Variants in MME observed in about 807,000 individuals in gnomAD.
MME encodes membrane metalloendopeptidase, also known as neprilysin.
MME carries 98 observed loss-of-function variants against 113.2 expected under a neutral mutation model. The ratio of observed to expected loss-of-function variants is 0.87; its 90% CI spans 0.74 to 1.02. MME has a LOEUF of 1.02. Ranked by LOEUF, MME falls within the 50% of genes least tolerant of loss-of-function variation. MME has a pLI of 0.00. For synonymous variants in MME, 292 were observed against 300.6 expected, an observed-to-expected ratio of 0.97 and a Z score of 0.30; for missense variants, 836 against 896.0, an observed-to-expected ratio of 0.93 and a Z score of 0.86.
chr3:155,183,225 A>C lies in MME; in HGVS notation c.*2766A>C, dbSNP rs1311812449. ...GTCCTTGTTCCAGCCCTATTCTGCC[A>C]CTCCTGACAGGGTGACCTTGGGTAT... is the stretch of plus-strand genomic sequence containing the variant. On this transcript the variant is annotated 3_prime_UTR_variant, in exon 23 of 23. Coordinates refer to ENST00000360490, the MANE Select transcript of MME (RefSeq NM_007289.4). 2.6e-5 allele frequency: 4 copies of C among 151,914 alleles called. No individual in the cohort carries two copies. The highest frequency in any genetic ancestry group is 5.9e-5 in the Non-Finnish European group (4 of 68,016). 9.4% of individuals were successfully genotyped at this position (151,914 alleles called of 1,614,324 possible).
chr3:155,142,140 C>T lies in MME; in HGVS notation c.1094+13C>T. On this transcript the variant is annotated intron_variant, in intron 11 of 22. Transcript: ENST00000360490. ...AATATTCTGCCAGGTAGGTATGTCA[C>T]AGTCCCCATGTCCTCAAAGTTTGCA... is the stretch of plus-strand genomic sequence containing the variant. 1.9e-6 allele frequency: 3 copies of T among 1,613,762 alleles called. No individual in the cohort carries two copies. The highest frequency in any genetic ancestry group is 2.2e-5 in the East Asian group (1 of 44,868).
intron 1 of MME, among the ~76,000 whole-genome samples, chr3:155,025,173 C>G (rs1712739166): frequency 6.6e-6 from 1 of 152,154 alleles, no homozygotes; most frequent in Non-Finnish European, 1.5e-5. Flanking sequence ...AGGAAAAACA[C>G]CACCCAGGGT....
At position 155,161,432 on chromosome 3, in the gene MME, C is replaced by T. The variant is rs113280824; in HGVS notation, c.1660+984C>T. ...ATAGCTCAGAGTCTGTTGTAAGCCTCATTTTTATTGAATTCTATTACCAAT... is the reference window on the plus strand; with the variant it reads ...ATAGCTCAGAGTCTGTTGTAAGCCTTATTTTTATTGAATTCTATTACCAAT... On this transcript the variant is annotated intron_variant, in intron 17 of 22. Coordinates refer to ENST00000360490, the MANE Select transcript of MME (RefSeq NM_007289.4). Among the ~76,000 whole-genome samples, 394 of 152,034 alleles carry T rather than the reference C, an allele frequency of 2.6e-3. 2 individuals carry two copies. The highest frequency in any genetic ancestry group is 9.1e-3 in the African/African-American group (377 of 41,486).
chr3:155,065,810 C>T (rs977482440), intron 1 of MME, among the ~76,000 whole-genome samples: 2 of 152,144 alleles, frequency 1.3e-5, no homozygotes, highest in African/African-American at 2.4e-5. Context: ...TAATTAGAAG[C>T]ATTTCATACA....
At chr3:155,059,948 G>T (rs760147482) in intron 1 of MME, among the ~76,000 whole-genome samples, 17 of 152,152 alleles carry the variant, frequency 1.1e-4, no homozygotes, top group Non-Finnish European at 1.8e-4. Context: ...TTGCTGAGTA[G>T]ATTTTGTTGG....
rs536835696 is a variant in MME at position 155,106,813 on chromosome 3, G to A, written c.197-8181G>A. ...AGCAAGGATTTACAACAGAAGGTTC[G>A]GTCAGAAATGGGTGTCCTAAGGTCT... On this transcript the variant is annotated intron_variant, in intron 3 of 22. Coordinates refer to ENST00000360490, the MANE Select transcript of MME (RefSeq NM_007289.4). Among the ~76,000 whole-genome samples the A allele has an allele frequency of 7.9e-5, 12 of 152,258 alleles. No individual in the cohort carries two copies. The East Asian group carries it at 1.9e-3, about 25-fold the overall frequency.
chr3:155,088,240 G>A (rs1715942439), intron 3 of MME, among the ~76,000 whole-genome samples: 2 of 151,898 alleles, frequency 1.3e-5, no homozygotes. Context: ...ACAGTCTTCT[G>A]CTGGTTAGGA....
intron 1 of MME, among the ~76,000 whole-genome samples, chr3:155,030,265 G>A (rs766210780): frequency 2.9e-4 from 44 of 152,180 alleles, no homozygotes; most frequent in Non-Finnish European, 1.0e-4. Context: ...ACAGGAGGGA[G>A]ATGCCCTTAC....
At chr3:155,024,559 TA>T (rs1239339732) in intron 1 of MME, among the ~76,000 whole-genome samples, 1 of 152,206 alleles carries the variant, frequency 6.6e-6, no homozygotes, top group Non-Finnish European at 1.5e-5. Context: ...AATAAAGTTG[TA>T]AATAAAGGAG....
rs199578162 is a variant in MME, at chr3:155,182,350, T to C, written c.*1891T>C. 1 of 152,202 alleles carries C rather than the reference T, an allele frequency of 6.6e-6. No homozygotes were observed. Among genetic ancestry groups the C allele is most frequent in the Non-Finnish European group, 1.5e-5 (1 of 68,040 alleles). The allele number at this position is 152,202 out of a possible 1,614,324, so 9.4% of individuals were successfully genotyped here. A position where few individuals can be genotyped will look rare whatever the true frequency, so the allele number is the denominator to read the frequency against. On this transcript the variant is annotated 3_prime_UTR_variant, in exon 23 of 23. Transcript: ENST00000360490. ...TTGAGAACTTTCCATTTTGGCGCTA[T>C]TACAAATAGTGCAACTATGAATGTA...
rs569409815 is a variant in MME, at chr3:155,149,803, T to C, written c.1601+1150T>C. On this transcript the variant is annotated intron_variant, in intron 16 of 22. Coordinates refer to ENST00000360490, the MANE Select transcript of MME (RefSeq NM_007289.4). The stretch of plus-strand genomic sequence containing the variant: ...AATCCTTACTCAACATGTTGAACTC[T>C]TGCAACACTGACGTGTCCTGAAAGA... Among the ~76,000 whole-genome samples, 34 of 152,322 alleles carry C rather than the reference T, an allele frequency of 2.2e-4. 2 individuals carry two copies. The South Asian group carries it at 6.8e-3, about 31-fold the overall frequency.
At chr3:155,110,329 A>G (rs1350157332) in intron 3 of MME, among the ~76,000 whole-genome samples, 1 of 152,120 alleles carries the variant, frequency 6.6e-6, no homozygotes, top group Non-Finnish European at 1.5e-5. Flanking sequence ...AAAATTACTT[A>G]ATCTTGTACA....
intron 1 of MME, among the ~76,000 whole-genome samples, chr3:155,054,472 A>G (rs1713861332): frequency 6.6e-6 from 1 of 152,210 alleles, no homozygotes; most frequent in Non-Finnish European, 1.5e-5. Context: ...AATCACGGAT[A>G]GATTACTTTG....
chr3:155,178,555 C>A (rs1712787354), intron 22 of MME, among the ~76,000 whole-genome samples: 1 of 152,092 alleles, frequency 6.6e-6, no homozygotes, highest in Non-Finnish European at 1.5e-5. Context: ...TCAGTATGTA[C>A]TGAGTCCTGT....
In MME at chr3:155,140,627, C is replaced by T. The variant is rs61758192; in HGVS notation, c.957+335C>T. Among the ~76,000 whole-genome samples, 9,486 of 151,806 alleles carry T rather than the reference C, an allele frequency of 0.062. 402 individuals carry two copies. Among genetic ancestry groups the T allele is most frequent in the South Asian group, 0.17 (836 of 4,796 alleles). Reference sequence around the variant, plus strand: ...AGATGAGGTTTGGCCAATCTGGTCTCGAACCCCTGAGCTCGAGTGATCTGC... The same window carrying T: ...AGATGAGGTTTGGCCAATCTGGTCTTGAACCCCTGAGCTCGAGTGATCTGC... On this transcript the variant is annotated intron_variant, in intron 10 of 22. Transcript: ENST00000360490.
chr3:155,101,324 A>C (rs773192678), intron 3 of MME, among the ~76,000 whole-genome samples: 1 of 152,178 alleles, frequency 6.6e-6, no homozygotes, highest in Non-Finnish European at 1.5e-5. Flanking sequence ...CATATCAACT[A>C]TGGTAATAAA....
chr3:155,126,855 C>T (rs911891553), intron 8 of MME, among the ~76,000 whole-genome samples: 7 of 151,756 alleles, frequency 4.6e-5, no homozygotes, highest in Admixed American at 6.6e-5. Context: ...CAAAATTAGC[C>T]GGGCGTGGTT....
At chr3:155,105,983 C>T (rs185446858) in intron 3 of MME, among the ~76,000 whole-genome samples, 2 of 152,108 alleles carry the variant, frequency 1.3e-5, no homozygotes, top group East Asian at 1.9e-4. Flanking sequence ...CTTGTGCCTA[C>T]GTGTGTGTAT....
chr3:155,038,759 C>A (rs1474084627), intron 1 of MME, among the ~76,000 whole-genome samples: 1 of 152,118 alleles, frequency 6.6e-6, no homozygotes, highest in Non-Finnish European at 1.5e-5. Context: ...ATCTTAGCAA[C>A]CTCAGCATAC....
Sources: allele counts gnomAD v4.1 joint callset (sites outside exome capture counted in the v4.1 genomes callset), GRCh38; gene constraint gnomAD v4.1.1; transcripts MANE v1.5; gene names NCBI Gene and HGNC (gene_info 2026-07-23, HGNC 2026-07-21).